The following VIT variants were observed in gnomAD, a reference collection of about 807,000 sequenced individuals.
VIT encodes the protein vitrin.
VIT carries 99 observed loss-of-function variants against 78.0 expected under a neutral mutation model. The observed-to-expected ratio is 1.27, with a 90% CI of 1.08 to 1.50. The LOEUF (loss-of-function observed/expected upper bound fraction) is 1.50. Among genes scored for constraint, VIT ranks in the 40% most tolerant of loss-of-function variants. The pLI, the probability that VIT is intolerant of heterozygous loss-of-function variation, is 0.00. For synonymous variants in VIT, 374 were observed against 334.3 expected, an observed-to-expected ratio of 1.12 and a Z score of -1.29; for missense variants, 1,126 against 875.3, an observed-to-expected ratio of 1.29 and a Z score of -3.61.
intron 6 of VIT, among the ~76,000 whole-genome samples, chr2:36,762,495 G>A (rs559820230): frequency 2.0e-4 from 31 of 152,142 alleles, no homozygotes; most frequent in Non-Finnish European, 3.2e-4. Flanking sequence ...AGGGATTCTT[G>A]GGGATAGAAG....
chr2:36,756,164 G>T (rs1159086011), intron 5 of VIT, among the ~76,000 whole-genome samples: 1 of 151,960 alleles, frequency 6.6e-6, no homozygotes, highest in East Asian at 1.9e-4. Context: ...CTCCGTGTTT[G>T]TCAGGCTGGT....
chr2:36,806,501 GCC>G (rs1222466975), intron 14 of VIT, among the ~76,000 whole-genome samples: 1 of 151,986 alleles, frequency 6.6e-6, no homozygotes, highest in African/African-American at 2.4e-5. Flanking sequence ...TCTTTAAGAG[GCC>G]CTCTCCTGCA....
rs1334511140 is a variant in VIT, at chr2:36,808,999, G to A, written c.1903+14G>A. On this transcript the variant is annotated intron_variant, in intron 15 of 15. Transcript: ENST00000379242. ...CCCATCTGAAGGGTAAGCTGGGCTTGCCAAGCAGCCTGGTGCTGAGGCTGC... is the reference window on the plus strand; with the variant it reads ...CCCATCTGAAGGGTAAGCTGGGCTTACCAAGCAGCCTGGTGCTGAGGCTGC... The A allele has an allele frequency of 1.3e-6, 2 of 1,561,806 alleles. No individual in the cohort carries two copies. Among genetic ancestry groups the A allele is most frequent in the Non-Finnish European group, 1.7e-6 (2 of 1,149,822 alleles).
chr2:36,765,773 T>C (rs1669394264), intron 6 of VIT, among the ~76,000 whole-genome samples: 1 of 152,268 alleles, frequency 6.6e-6, no homozygotes, highest in Admixed American at 6.5e-5. Context: ...TATAGCCTCC[T>C]GAGAAAGCTC....
chr2:36,770,272 G>C (rs949844667), intron 7 of VIT, among the ~76,000 whole-genome samples: 1 of 152,240 alleles, frequency 6.6e-6, no homozygotes, highest in African/African-American at 2.4e-5. Flanking sequence ...TGAAGGGTAT[G>C]TAGCCAAAAC....
At chr2:36,751,278 G>C (rs12479022) in intron 4 of VIT, among the ~76,000 whole-genome samples, 75,526 of 151,952 alleles carry the variant, frequency 0.5, 19,339 homozygotes, top group African/African-American at 0.62. Context: ...TGCCTATAAT[G>C]CCAGCTACTC....
intron 12 of VIT, among the ~76,000 whole-genome samples, chr2:36,794,437 T>G (rs987576747): frequency 2.6e-5 from 4 of 152,208 alleles, no homozygotes; most frequent in Non-Finnish European, 5.9e-5. Context: ...ACTTTTAGTC[T>G]CCAAGTCTGA....
At chr2:36,809,980 G>C (rs1485336943) in intron 15 of VIT, among the ~76,000 whole-genome samples, 1 of 95,208 alleles carries the variant, frequency 1.1e-5, no homozygotes, top group Non-Finnish European at 1.9e-5. Context: ...AACAGAGCAA[G>C]ATCCTGTCTC....
chr2:36,808,327 C>A, intron 14 of VIT, 145 bp from the exon 15 acceptor site: 3 of 1,204,268 alleles, frequency 2.5e-6, no homozygotes, highest in Non-Finnish European at 3.4e-6. Flanking sequence ...GCTGGGTGAA[C>A]CGAGATGGAA....
intron 1 of VIT, among the ~76,000 whole-genome samples, chr2:36,714,804 A>G (rs1359787530): frequency 6.6e-6 from 1 of 152,144 alleles, no homozygotes; most frequent in Non-Finnish European, 1.5e-5. Context: ...CATCTGTTCA[A>G]TGAGGATCAT....
At chr2:36,783,477 C>A in intron 11 of VIT, 75 bp downstream of exon 11, 1 of 1,406,990 alleles carries the variant, frequency 7.1e-7, no homozygotes, top group South Asian at 1.2e-5. Flanking sequence ...CCCACTCACT[C>A]CCACTCAAAC....
chr2:36,734,640 C>T (rs1307829246), intron 3 of VIT, among the ~76,000 whole-genome samples: 3 of 152,196 alleles, frequency 2.0e-5, no homozygotes, highest in Admixed American at 6.5e-5. Context: ...CTTGAAAACG[C>T]CTGCCATTCC....
At chr2:36,750,685 G>A (rs546958144) in intron 4 of VIT, among the ~76,000 whole-genome samples, 1 of 151,788 alleles carries the variant, frequency 6.6e-6, no homozygotes, top group African/African-American at 2.4e-5. Context: ...GCTGGGCATG[G>A]CGGTGCACAC....
intron 2 of VIT, among the ~76,000 whole-genome samples, chr2:36,725,354 T>G (rs1350575852): frequency 6.6e-6 from 1 of 151,582 alleles, no homozygotes; most frequent in Non-Finnish European, 1.5e-5. Context: ...GGCTGGGGAG[T>G]CCAAGATCAG....
chr2:36,753,744 A>T (rs972814040), intron 4 of VIT, among the ~76,000 whole-genome samples: 1 of 152,208 alleles, frequency 6.6e-6, no homozygotes, highest in African/African-American at 2.4e-5. Context: ...CCTGCCTGCC[A>T]TCGGGAGATG....
chr2:36,784,938 T>C (rs1398120564), intron 11 of VIT, among the ~76,000 whole-genome samples: 1 of 152,164 alleles, frequency 6.6e-6, no homozygotes, highest in Non-Finnish European at 1.5e-5. Context: ...ATCAGGCCAG[T>C]GAGTAAAGAG....
chr2:36,810,269 G>A (rs937571544), intron 15 of VIT, among the ~76,000 whole-genome samples: 1 of 152,208 alleles, frequency 6.6e-6, no homozygotes, highest in Non-Finnish European at 1.5e-5. Context: ...TCCAGCCTGG[G>A]CAACAAGAGC....
chr2:36,737,816 T>C (rs1667599870), intron 3 of VIT, among the ~76,000 whole-genome samples: 1 of 152,206 alleles, frequency 6.6e-6, no homozygotes, highest in Non-Finnish European at 1.5e-5. Context: ...CAGTGTTTCT[T>C]GCTTCTTAGA....
intron 2 of VIT, among the ~76,000 whole-genome samples, chr2:36,727,453 C>G (rs889834015): frequency 6.6e-6 from 1 of 152,170 alleles, no homozygotes; most frequent in South Asian, 2.1e-4. Flanking sequence ...GGTGCTCATC[C>G]CACCTCCATC....
Sources: allele counts gnomAD v4.1 joint callset (sites outside exome capture counted in the v4.1 genomes callset), GRCh38; gene constraint gnomAD v4.1.1; transcripts MANE v1.5; gene names NCBI Gene and HGNC (gene_info 2026-07-23, HGNC 2026-07-21).